Variants in PRAG1 observed in about 807,000 individuals in gnomAD.
The protein encoded by PRAG1 is PEAK1 related, kinase-activating pseudokinase 1.
PRAG1 carries 110 observed loss-of-function variants against 95.6 expected under a neutral mutation model. That is an observed-to-expected ratio of 1.15 (90% CI 0.99 to 1.35). The LOEUF is 1.35. Among genes scored for constraint, PRAG1 ranks in the 40% most tolerant of loss-of-function variants. PRAG1 has a pLI of 0.00. For missense variants in PRAG1, 2,554 were observed against 1,864.7 expected (o/e 1.37, Z -6.81); for synonymous variants, 1,052 against 819.4 (o/e 1.28, Z -4.85).
intron 4 of PRAG1, among the ~76,000 whole-genome samples, chr8:8,336,830 T>G (rs1281849768): frequency 6.6e-6 from 1 of 151,808 alleles, no homozygotes; most frequent in Non-Finnish European, 1.5e-5. Flanking sequence ...TTTAAAAATG[T>G]AACAAAGTTA....
intron 3 of PRAG1, among the ~76,000 whole-genome samples, chr8:8,360,544 C>T (rs1373208247): frequency 6.6e-6 from 1 of 152,190 alleles, no homozygotes; most frequent in African/African-American, 2.4e-5. Context: ...CATCTCTCCT[C>T]AAATATACCT....
At chr8:8,337,712 T>A (rs1048923983) in intron 4 of PRAG1, among the ~76,000 whole-genome samples, 6 of 152,162 alleles carry the variant, frequency 3.9e-5, no homozygotes, top group African/African-American at 1.4e-4. Context: ...ACCACGACAA[T>A]ATATTCATTT....
Position 8,328,408 on chromosome 8 carries a change from C to G in PRAG1, c.2374G>C (p.Ala792Pro). Residue 792 changes from alanine to proline, a missense_variant, in exon 5 of 6, where the codon GCT (alanine) becomes CCT (proline). Transcript: ENST00000615670. ...SPTNSGKKLF[A>P]PVPFPSGSTE... ...GAGCCTGAAGGAAACGGAACGGGAG[C>G]AAAGAGCTTCTTCCCGCTGTTGGTG... is the stretch of plus-strand genomic sequence containing the variant. 1 of 1,613,726 alleles carries G rather than the reference C, an allele frequency of 6.2e-7. No individual in the cohort carries two copies. Among genetic ancestry groups the G allele is most frequent in the Non-Finnish European group, 8.5e-7 (1 of 1,180,024 alleles).
At chr8:8,319,438 G>T in intron 5 of PRAG1, 136 bp from the exon 6 acceptor site, 3 of 570,708 alleles carry the variant, frequency 5.3e-6, no homozygotes, top group Non-Finnish European at 5.4e-6. Flanking sequence ...CCATACACAT[G>T]CTAGAAGAAA....
intron 3 of PRAG1, among the ~76,000 whole-genome samples, chr8:8,361,666 G>A (rs724265): frequency 0.73 from 111,156 of 152,132 alleles, 41,719 homozygotes; most frequent in East Asian, 0.9. Flanking sequence ...TACAAGGTTC[G>A]AGCAGCCCAT....
intron 4 of PRAG1, among the ~76,000 whole-genome samples, chr8:8,336,064 C>T (rs947281445): frequency 1.3e-5 from 2 of 152,172 alleles, no homozygotes; most frequent in Admixed American, 6.5e-5. Context: ...AGAATGGTAT[C>T]ACTGCCCTGG....
chr8:8,318,600 T>G lies in PRAG1; in HGVS notation c.3775A>C (p.Ile1259Leu). 6.2e-7 allele frequency: 1 copy of G among 1,612,878 alleles called. No individual in the cohort carries two copies. The highest frequency in any genetic ancestry group is 1.3e-5 in the African/African-American group (1 of 74,616). Residue 1259 changes from isoleucine (I) to leucine (L), a missense_variant, in exon 6 of 6, where the codon ATC (isoleucine) becomes CTC (leucine). Physicochemically the swap from Ile to Leu is conservative, Grantham distance 5. Transcript: ENST00000615670. The surrounding 1 kb of genome is among the most constrained non-coding windows in gnomAD (Gnocchi z 4.2). ...YRKFDEFQTG[I>L]LIYELLHQPN... ...TGGTGCAGCAGCTCGTAGATGAGGA[T>G]GCCTGTCTGGAACTCATCGAACTTG...
intron 2 of PRAG1, among the ~76,000 whole-genome samples, chr8:8,378,764 G>A (rs1017219459): frequency 4.6e-5 from 7 of 152,060 alleles, no homozygotes; most frequent in Non-Finnish European, 8.8e-5. Flanking sequence ...GGGAGGTTGA[G>A]GTGGAAGGAT....
intron 3 of PRAG1, among the ~76,000 whole-genome samples, chr8:8,375,949 G>C (rs1004948536): frequency 2.0e-5 from 3 of 152,166 alleles, no homozygotes; most frequent in Non-Finnish European, 4.4e-5. Context: ...GGAATAAAAA[G>C]AGGACCAGAT....
intron 3 of PRAG1, among the ~76,000 whole-genome samples, chr8:8,371,287 G>C (rs1800193009): frequency 1.3e-5 from 2 of 151,846 alleles, no homozygotes; most frequent in Non-Finnish European, 1.5e-5. Flanking sequence ...TTGAGGTGGA[G>C]TCTCGCTCTG....
intron 3 of PRAG1, chr8:8,374,778 G>T: frequency 1.1e-6 from 1 of 895,294 alleles, no homozygotes; most frequent in Non-Finnish European, 1.3e-6. Context: ...ACAAAGTAGT[G>T]GTCATGAGAA....
intron 3 of PRAG1, among the ~76,000 whole-genome samples, chr8:8,347,006 A>G (rs1799364789): frequency 1.3e-5 from 2 of 152,238 alleles, no homozygotes; most frequent in South Asian, 4.1e-4. Context: ...GATCTAAAGG[A>G]AAGTTTTAGA....
chr8:8,318,172 C>T lies in PRAG1; in HGVS notation c.4203G>A (p.Lys1401=), dbSNP rs1478268168. The T allele has an allele frequency of 1.2e-6, 2 of 1,613,322 alleles. No individual in the cohort carries two copies. Among genetic ancestry groups the T allele is most frequent in the Non-Finnish European group, 1.7e-6 (2 of 1,179,672 alleles). The change falls in exon 6 of 6, where the codon AAG becomes AAA. Residue 1401 remains lysine (K), a synonymous_variant. Coordinates refer to ENST00000615670, the MANE Select transcript of PRAG1 (RefSeq NM_001080826.3). The surrounding 1 kb of genome is among the most constrained non-coding windows in gnomAD (Gnocchi z 4.2). ...AEPGALLQSL[K]LLQLL ...GCTTGGCTCACAGAAGCTGCAGGAG[C>T]TTCAGCGACTGTAAGAGGGCCCCGG...
At position 8,381,372 on chromosome 8, in the gene PRAG1, C is replaced by T. The variant is rs779292370; in HGVS notation, c.330+46G>A. 6 of 1,549,278 alleles carry T rather than the reference C, an allele frequency of 3.9e-6. No individual in the cohort carries two copies. The South Asian group carries it at 4.9e-5, about 13-fold the overall frequency. On this transcript the variant is annotated intron_variant, in intron 2 of 5. Coordinates refer to ENST00000615670, the MANE Select transcript of PRAG1 (RefSeq NM_001080826.3). Reference sequence around the variant, plus strand: ...GCCAGCCAGTCACCAAGTGTTCAAACAGGAGCAGCCCCTGTAAAAATACCA... The same window carrying T: ...GCCAGCCAGTCACCAAGTGTTCAAATAGGAGCAGCCCCTGTAAAAATACCA...
At chr8:8,350,161 C>T (rs1799476123) in intron 3 of PRAG1, among the ~76,000 whole-genome samples, 1 of 152,100 alleles carries the variant, frequency 6.6e-6, no homozygotes, top group Non-Finnish European at 1.5e-5. Context: ...ATTTGTGGCC[C>T]CAGCCTACAC....
chr8:8,375,633 A>G (rs2116930022), intron 3 of PRAG1, among the ~76,000 whole-genome samples: 1 of 152,258 alleles, frequency 6.6e-6, no homozygotes, highest in African/African-American at 2.4e-5. Flanking sequence ...TTTGGCATTA[A>G]CTGTTTGCCT....
At chr8:8,351,100 C>T (rs1029461689) in intron 3 of PRAG1, among the ~76,000 whole-genome samples, 4 of 152,118 alleles carry the variant, frequency 2.6e-5, no homozygotes, top group African/African-American at 9.7e-5. Flanking sequence ...GGTTTAATTG[C>T]CTCATGGTTC....
At position 8,358,598 on chromosome 8, in the gene PRAG1, A is replaced by T. The variant is rs548496543; in HGVS notation, c.2162+17649T>A. ...AAAAGACACATCATTTCTGTTGGAAAGGAATGCTTATTCCTTGGTGCTACA... is the reference window on the plus strand; with the variant it reads ...AAAAGACACATCATTTCTGTTGGAATGGAATGCTTATTCCTTGGTGCTACA... On this transcript the variant is annotated intron_variant, in intron 3 of 5. Transcript: ENST00000615670. Among the ~76,000 whole-genome samples the T allele has an allele frequency of 7.9e-5, 12 of 152,362 alleles. No individual in the cohort carries two copies. In the East Asian group the frequency reaches 2.3e-3, roughly 29 times the overall value.
chr8:8,334,415 G>A (rs1222069874), intron 4 of PRAG1, among the ~76,000 whole-genome samples: 1 of 149,502 alleles, frequency 6.7e-6, no homozygotes, highest in African/African-American at 2.5e-5. Flanking sequence ...CAGCCTTGGT[G>A]ACCGAGTGAG....
Sources: allele counts gnomAD v4.1 joint callset (sites outside exome capture counted in the v4.1 genomes callset), GRCh38; gene constraint gnomAD v4.1.1; non-coding constraint Gnocchi (gnomAD v3.1); transcripts MANE v1.5; gene names NCBI Gene and HGNC (gene_info 2026-07-23, HGNC 2026-07-21).